The following RANBP9 variants were observed in gnomAD, a reference collection of about 807,000 sequenced individuals.
The protein encoded by RANBP9 is RAN binding protein 9.
A neutral mutation model predicts 84.3 loss-of-function variants in RANBP9; 15 were observed. The ratio of observed to expected loss-of-function variants is 0.18; its 90% CI spans 0.12 to 0.27. RANBP9 has a LOEUF of 0.27. Ranked by LOEUF, RANBP9 falls within the 10% of genes least tolerant of loss-of-function variation. RANBP9 has a pLI of 1.00. For missense variants in RANBP9, 809 were observed against 912.8 expected (o/e 0.89, Z 1.46); for synonymous variants, 392 against 349.6 (o/e 1.12, Z -1.35).
chr6:13,628,168 T>C (rs1177720191), intron 12 of RANBP9, among the ~76,000 whole-genome samples: 1 of 152,202 alleles, frequency 6.6e-6, no homozygotes, highest in Non-Finnish European at 1.5e-5. Flanking sequence ...ACTGAGGCAG[T>C]GAATAGTAAG....
At chr6:13,625,808 C>G in intron 12 of RANBP9, 44 bp from the exon 13 acceptor site, 1 of 1,330,478 alleles carries the variant, frequency 7.5e-7, no homozygotes, top group South Asian at 1.2e-5. Context: ...AATAGTTCAA[C>G]TATTATGCTC....
intron 7 of RANBP9, among the ~76,000 whole-genome samples, chr6:13,642,225 T>A (rs1209434198): frequency 6.6e-6 from 1 of 151,982 alleles, no homozygotes; most frequent in Non-Finnish European, 1.5e-5. Flanking sequence ...AGAAAACATT[T>A]AAGAAAAAAA....
chr6:13,679,763 C>CT (rs1336328023), intron 2 of RANBP9, among the ~76,000 whole-genome samples: 2 of 152,164 alleles, frequency 1.3e-5, no homozygotes, highest in Non-Finnish European at 2.9e-5. Context: ...ACAGGTTCTA[C>CT]TTGTACCAAA....
At chr6:13,705,212 T>C (rs1221876839) in intron 1 of RANBP9, among the ~76,000 whole-genome samples, 4 of 151,784 alleles carry the variant, frequency 2.6e-5, no homozygotes, top group Non-Finnish European at 5.9e-5. Context: ...CAGACCAGCC[T>C]GGCCAACATG....
intron 4 of RANBP9, among the ~76,000 whole-genome samples, chr6:13,654,327 T>A (rs1160475016): frequency 6.6e-6 from 1 of 152,202 alleles, no homozygotes; most frequent in Non-Finnish European, 1.5e-5. Flanking sequence ...TGAAAAGTGA[T>A]CTTCAATTGG....
Position 13,644,658 on chromosome 6 carries a change from A to C in RANBP9, c.999T>G (p.Pro333=). The C allele has an allele frequency of 6.2e-7, 1 of 1,613,320 alleles. No individual in the cohort carries two copies. The highest frequency in any genetic ancestry group is 1.1e-5 in the South Asian group (1 of 90,956). ...TATAGTCTTCTATATCAAACACGAAAGGATGTTGCCCAAAATTGGCATCGA... is the reference window on the plus strand; with the variant it reads ...TATAGTCTTCTATATCAAACACGAACGGATGTTGCCCAAAATTGGCATCGA... ...EVVDANFGQH[P]FVFDIEDYMR... Residue 333 remains proline (P), a synonymous_variant, in exon 6 of 14, where the codon CCT becomes CCG. Transcript: ENST00000011619.
At chr6:13,634,750 C>CT (rs1562298442) in intron 10 of RANBP9, among the ~76,000 whole-genome samples, 198 bp from the exon 11 acceptor site, 1 of 151,890 alleles carries the variant, frequency 6.6e-6, no homozygotes, top group Non-Finnish European at 1.5e-5. Flanking sequence ...TTTGTACCCC[C>CT]GGAGGTAAGG....
intron 10 of RANBP9, among the ~76,000 whole-genome samples, chr6:13,637,213 T>C (rs1764958347): frequency 6.6e-6 from 1 of 152,174 alleles, no homozygotes; most frequent in Non-Finnish European, 1.5e-5. Flanking sequence ...TGAGACACCC[T>C]ACCTAGCAGA....
rs199557142 is a variant in RANBP9, at chr6:13,705,723, C to T, written c.571+5212G>A. On this transcript the variant is annotated intron_variant, in intron 1 of 13. Coordinates refer to ENST00000011619, the MANE Select transcript of RANBP9 (RefSeq NM_005493.3). ...AAAAATACAAAAGAAATTAGCCAGG[C>T]GTGGTGGCAGGCGCATGTAGTCCCA... Among the ~76,000 whole-genome samples the T allele has an allele frequency of 2.0e-4, 31 of 151,848 alleles. No individual in the cohort carries two copies. In the East Asian group the frequency reaches 4.3e-3, roughly 21 times the overall value.
chr6:13,649,028 C>T (rs899800230), intron 5 of RANBP9, among the ~76,000 whole-genome samples: 7 of 152,102 alleles, frequency 4.6e-5, no homozygotes, highest in African/African-American at 1.4e-4. Flanking sequence ...TATTCCATAA[C>T]AGGTGCAGAA....
In RANBP9 at chr6:13,694,220, T is replaced by C. The variant is rs145867824; in HGVS notation, c.683+2565A>G. On this transcript the variant is annotated intron_variant, in intron 2 of 13. Coordinates refer to ENST00000011619, the MANE Select transcript of RANBP9 (RefSeq NM_005493.3). ...ACTTATGTTTACACAAAAACCTGTA[T>C]ATACATGTTTACAGTTCCAGCCAAA... Among the ~76,000 whole-genome samples the C allele has an allele frequency of 7.8e-3, 1,193 of 152,328 alleles. 13 individuals are homozygous for C. The highest frequency in any genetic ancestry group is 0.027 in the African/African-American group (1,111 of 41,570).
intron 10 of RANBP9, among the ~76,000 whole-genome samples, chr6:13,636,361 CT>C (rs1764940063): frequency 6.6e-6 from 1 of 152,210 alleles, no homozygotes; most frequent in Non-Finnish European, 1.5e-5. Flanking sequence ...CCATTACCAA[CT>C]ACAAAATAAC....
intron 2 of RANBP9, among the ~76,000 whole-genome samples, chr6:13,677,796 G>T (rs1765929851): frequency 6.6e-6 from 1 of 152,094 alleles, no homozygotes; most frequent in African/African-American, 2.4e-5. Context: ...ACATAGTAGT[G>T]TTATAAAATC....
intron 2 of RANBP9, among the ~76,000 whole-genome samples, chr6:13,680,617 A>G (rs762824351): frequency 6.6e-6 from 1 of 152,050 alleles, no homozygotes; most frequent in Non-Finnish European, 1.5e-5. Context: ...TTAGCTGAGC[A>G]TAGTGGTGCG....
At position 13,637,820 on chromosome 6, in the gene RANBP9, T is replaced by G; in HGVS notation, c.1661A>C (p.Asn554Thr). The G allele has an allele frequency of 1.3e-6, 2 of 1,594,318 alleles. No individual in the cohort carries two copies. Among genetic ancestry groups the G allele is most frequent in the Non-Finnish European group, 1.7e-6 (2 of 1,172,918 alleles). The change falls in exon 10 of 14, where the codon AAT becomes ACT. Residue 554 changes from asparagine (N) to threonine (T), a missense_variant. Transcript: ENST00000011619. Reference sequence around the variant, plus strand: ...TGAAATTACTTACCTGGTGAAGTTATTAACTTGCTGTGATCTTGACATATT... The same window carrying G: ...TGAAATTACTTACCTGGTGAAGTTAGTAACTTGCTGTGATCTTGACATATT... ...SINMSRSQQV[N>T]NFTSNDVDME...
At chr6:13,651,995 C>G (rs958155738) in intron 5 of RANBP9, among the ~76,000 whole-genome samples, 2 of 152,136 alleles carry the variant, frequency 1.3e-5, no homozygotes, top group Non-Finnish European at 2.9e-5. Context: ...TAACCTCCCT[C>G]TGCCTGAAAA....
rs761781930 is a variant in RANBP9, at chr6:13,639,644, T to G, written c.1444A>C (p.Ser482Arg). ...DSYPVSPRPF[S>R]SPSMSPSHGM... ...TGGCTGGGGCTCATACTTGGACTAC[T>G]AAAAGGTCGAGGACTAACAGGATAA... Residue 482 changes from serine (S) to arginine (R), a missense_variant, in exon 9 of 14, where the codon AGT becomes CGT. Physicochemically the swap from Ser to Arg is moderately radical, Grantham distance 110. Coordinates refer to ENST00000011619, the MANE Select transcript of RANBP9 (RefSeq NM_005493.3). 1.7e-5 allele frequency: 27 copies of G among 1,613,240 alleles called. No individual in the cohort carries two copies. The highest frequency in any genetic ancestry group is 2.2e-5 in the Non-Finnish European group (26 of 1,179,160).
intron 5 of RANBP9, among the ~76,000 whole-genome samples, chr6:13,647,789 AGTTTT>A (rs1470010518): frequency 6.6e-6 from 1 of 152,192 alleles, no homozygotes; most frequent in Admixed American, 6.5e-5. Flanking sequence ...ATATTAAGTC[AGTTTT>A]GGCTCACTGA....
chr6:13,656,326 C>T (rs1205319715), intron 4 of RANBP9, among the ~76,000 whole-genome samples: 3 of 151,558 alleles, frequency 2.0e-5, no homozygotes, highest in Admixed American at 6.6e-5. Flanking sequence ...AAGATTTTTC[C>T]AGCAGTAAAA....
Sources: gnomAD v4.1 joint callset for allele counts (sites outside exome capture counted in the v4.1 genomes callset) on GRCh38, gnomAD v4.1.1 for gene constraint, MANE v1.5 for transcripts, NCBI Gene and HGNC (gene_info 2026-07-23, HGNC 2026-07-21) for gene names.